Variants in RAB6B observed in about 807,000 individuals in gnomAD.
RAB6B encodes RAB6B, member RAS oncogene family.
Under a neutral mutation model 31.2 loss-of-function variants are expected in RAB6B, and 7 were observed. The ratio of observed to expected loss-of-function variants is 0.22; its 90% CI spans 0.13 to 0.42. RAB6B has a LOEUF of 0.42. Ranked by LOEUF, RAB6B falls within the 10% of genes least tolerant of loss-of-function variation. The pLI is 1.00. For synonymous variants in RAB6B, 105 were observed against 104.9 expected (o/e 1.00, Z -0.01); for missense variants, 149 against 280.6 (o/e 0.53, Z 3.35).
chr3:133,845,918 T>G (rs34067336), intron 2 of RAB6B, among the ~76,000 whole-genome samples: 4 of 151,956 alleles, frequency 2.6e-5, no homozygotes, highest in African/African-American at 9.7e-5. Context: ...AAGAGATTTA[T>G]GAAAATTCTA....
chr3:133,893,669 T>C (rs1024256818), intron 1 of RAB6B, among the ~76,000 whole-genome samples: 8 of 152,256 alleles, frequency 5.3e-5, no homozygotes, highest in African/African-American at 1.7e-4. Flanking sequence ...AGTAAGAGAA[T>C]TGTCTTCAAG....
Position 133,828,601 on chromosome 3 carries a change from C to T in RAB6B, c.*187G>A. The T allele has an allele frequency of 1.5e-6, 1 of 683,154 alleles. No homozygotes were observed. Among genetic ancestry groups the T allele is most frequent in the South Asian group, 1.7e-5 (1 of 58,386 alleles). The allele number at this position is 683,154 out of a possible 1,614,324, so 42.3% of individuals were successfully genotyped here. ...CAAAAAATAGTTGTTTAAGTAACAG[C>T]CGTTAAGAGTGATGTGATCCCTGAT... On this transcript the variant is annotated 3_prime_UTR_variant, in exon 8 of 8. Transcript: ENST00000285208.
chr3:133,845,539 G>A (rs925429778), intron 2 of RAB6B, among the ~76,000 whole-genome samples: 1 of 152,180 alleles, frequency 6.6e-6, no homozygotes, highest in African/African-American at 2.4e-5. Context: ...TTGCTTATAC[G>A]TTACCCAGTC....
chr3:133,884,023 C>G (rs1936504490), intron 1 of RAB6B, among the ~76,000 whole-genome samples: 2 of 151,570 alleles, frequency 1.3e-5, no homozygotes, highest in Non-Finnish European at 2.9e-5. Flanking sequence ...CTCTGCTGAG[C>G]ACCAAGATGA....
chr3:133,853,033 T>C (rs532142180), intron 2 of RAB6B, among the ~76,000 whole-genome samples: 167 of 152,304 alleles, frequency 1.1e-3, no homozygotes, highest in African/African-American at 3.9e-3. Flanking sequence ...CCTCTGCATC[T>C]GTAGTACAGT....
At chr3:133,861,085 T>A (rs372944705) in intron 2 of RAB6B, among the ~76,000 whole-genome samples, 1 of 152,120 alleles carries the variant, frequency 6.6e-6, no homozygotes, top group Admixed American at 6.5e-5. Flanking sequence ...TGAGTACAGG[T>A]TTCACACAGG....
At chr3:133,833,854 C>T (rs1200107258) in intron 7 of RAB6B, among the ~76,000 whole-genome samples, 2 of 152,196 alleles carry the variant, frequency 1.3e-5, no homozygotes, top group Non-Finnish European at 2.9e-5. Flanking sequence ...TGGGCAATGG[C>T]TTCCCCTGCT....
intron 2 of RAB6B, among the ~76,000 whole-genome samples, chr3:133,844,043 TG>T (rs1382846745): frequency 6.6e-6 from 1 of 152,208 alleles, no homozygotes; most frequent in Non-Finnish European, 1.5e-5. Flanking sequence ...AGGCACCTGA[TG>T]GTAATGCTAC....
intron 1 of RAB6B, among the ~76,000 whole-genome samples, chr3:133,891,793 A>G (rs2108018096): frequency 6.6e-6 from 1 of 152,338 alleles, no homozygotes; most frequent in East Asian, 1.9e-4. Flanking sequence ...AGTATGCTCA[A>G]CATGGACAGC....
chr3:133,833,366 T>A (rs972947296), intron 7 of RAB6B, among the ~76,000 whole-genome samples: 4 of 152,148 alleles, frequency 2.6e-5, no homozygotes, highest in African/African-American at 9.7e-5. Context: ...GGCCACTGCT[T>A]GTCCTCTGGT....
At chr3:133,875,935 C>A (rs1224257985) in intron 1 of RAB6B, among the ~76,000 whole-genome samples, 1 of 152,152 alleles carries the variant, frequency 6.6e-6, no homozygotes, top group Non-Finnish European at 1.5e-5. Flanking sequence ...TACTATCCGG[C>A]ATGCGACTAC....
chr3:133,827,066 T>G lies in RAB6B; in HGVS notation c.*1722A>C, dbSNP rs1362201360. The G allele has an allele frequency of 6.5e-6, 1 of 152,682 alleles. No homozygotes were observed. The highest frequency in any genetic ancestry group is 2.1e-4 in the South Asian group (1 of 4,834). 9.5% of individuals were successfully genotyped at this position (152,682 alleles called of 1,614,324 possible). A position where few individuals can be genotyped will look rare whatever the true frequency, so the allele number is the denominator to read the frequency against. ...CCTCTCTTCTTCACCTGAAGATAAATTCCTTGCTAGAGATGAGCTCTGGCA... is the reference window on the plus strand; with the variant it reads ...CCTCTCTTCTTCACCTGAAGATAAAGTCCTTGCTAGAGATGAGCTCTGGCA... On this transcript the variant is annotated 3_prime_UTR_variant, in exon 8 of 8. Coordinates refer to ENST00000285208, the MANE Select transcript of RAB6B (RefSeq NM_016577.4).
chr3:133,886,316 A>T (rs1275107618), intron 1 of RAB6B, among the ~76,000 whole-genome samples: 1 of 152,136 alleles, frequency 6.6e-6, no homozygotes, highest in Non-Finnish European at 1.5e-5. Flanking sequence ...TACTAATCTT[A>T]ATACTGGCTG....
Position 133,895,645 on chromosome 3 carries a change from G to C in RAB6B, c.-179C>G, listed in dbSNP as rs1638245112. 4.8e-6 allele frequency: 3 copies of C among 622,530 alleles called. No homozygotes were observed. Among genetic ancestry groups the C allele is most frequent in the South Asian group, 2.0e-5 (1 of 50,762 alleles). 38.6% of individuals were successfully genotyped at this position (622,530 alleles called of 1,614,324 possible). A position where few individuals can be genotyped will look rare whatever the true frequency, so the allele number is the denominator to read the frequency against. On this transcript the variant is annotated 5_prime_UTR_variant, in exon 1 of 8. Coordinates refer to ENST00000285208, the MANE Select transcript of RAB6B (RefSeq NM_016577.4). Reference sequence around the variant, plus strand: ...GTCCCGGCCTGCGGCTGCGTGTCCGGCGGCGGAGGAGGAGGAGGAGAGAGA... The same window carrying C: ...GTCCCGGCCTGCGGCTGCGTGTCCGCCGGCGGAGGAGGAGGAGGAGAGAGA...
At chr3:133,877,085 G>T (rs1576408020) in intron 1 of RAB6B, among the ~76,000 whole-genome samples, 1 of 152,184 alleles carries the variant, frequency 6.6e-6, no homozygotes, top group Non-Finnish European at 1.5e-5. Context: ...GAGCCCCACA[G>T]ATTACTGCCC....
At chr3:133,875,258 C>T (rs1936375932) in intron 1 of RAB6B, among the ~76,000 whole-genome samples, 1 of 148,344 alleles carries the variant, frequency 6.7e-6, no homozygotes, top group Non-Finnish European at 1.5e-5. Context: ...ATATTCATTA[C>T]TTCACAGTTA....
chr3:133,858,882 G>A (rs1017457144), intron 2 of RAB6B, among the ~76,000 whole-genome samples: 3 of 152,276 alleles, frequency 2.0e-5, no homozygotes, highest in Admixed American at 1.3e-4. Flanking sequence ...TTTTAACCTG[G>A]AAATTAATCA....
At chr3:133,854,250 A>G (rs1250134633) in intron 2 of RAB6B, among the ~76,000 whole-genome samples, 2 of 152,226 alleles carry the variant, frequency 1.3e-5, no homozygotes, top group Non-Finnish European at 2.9e-5. Context: ...GTTCTAAAGG[A>G]GACTACTTCC....
intron 1 of RAB6B, among the ~76,000 whole-genome samples, chr3:133,891,974 A>G (rs1163916134): frequency 1.3e-5 from 2 of 152,174 alleles, no homozygotes; most frequent in Non-Finnish European, 2.9e-5. Flanking sequence ...AAGACAGTGC[A>G]CAGCAGACGC....
Sources: allele counts gnomAD v4.1 joint callset (sites outside exome capture counted in the v4.1 genomes callset), GRCh38; gene constraint gnomAD v4.1.1; transcripts MANE v1.5; gene names NCBI Gene and HGNC (gene_info 2026-07-23, HGNC 2026-07-21).